The following MATN3 variants were observed in gnomAD, a reference collection of about 807,000 sequenced individuals.
MATN3 encodes matrilin-3.
MATN3 carries 48 observed loss-of-function variants against 45.3 expected under a neutral mutation model. The observed-to-expected ratio is 1.06, with a 90% CI of 0.84 to 1.35. The LOEUF (loss-of-function observed/expected upper bound fraction) is 1.35, where lower values mean the gene tolerates loss of function less well. MATN3 is among the 40% of genes most tolerant of loss of function. The pLI is 0.00. For missense variants in MATN3, 599 were observed against 628.0 expected (o/e 0.95, Z 0.49); for synonymous variants, 217 against 245.9 (o/e 0.88, Z 1.10).
At chr2:20,007,131 C>A (rs1162409860) in intron 1 of MATN3, among the ~76,000 whole-genome samples, 1 of 151,938 alleles carries the variant, frequency 6.6e-6, no homozygotes, top group Non-Finnish European at 1.5e-5. Flanking sequence ...TGGCGTGAAC[C>A]TGGGAGACAG....
rs1023892981 is a variant in MATN3 at position 19,999,605 on chromosome 2, AT to A, written c.1168+835del. 3.4e-5 allele frequency among the ~76,000 whole-genome samples: 4 copies of A among 116,462 alleles called. No homozygotes were observed. The East Asian group carries it at 1.1e-3, about 31-fold the overall frequency. 76.4% of individuals were successfully genotyped at this position (116,462 alleles called of 152,430 possible). A position where few individuals can be genotyped will look rare whatever the true frequency, so the allele number is the denominator to read the frequency against. On this transcript the variant is annotated intron_variant, in intron 5 of 7. Coordinates refer to ENST00000407540, the MANE Select transcript of MATN3 (RefSeq NM_002381.5). Reference sequence around the variant, plus strand: ...ACTGGGAACAAAGTAGGTGTCCGGTATTTTTTTACTGGTTTCCCTTTAAAAA... The same window carrying A: ...ACTGGGAACAAAGTAGGTGTCCGGTATTTTTTACTGGTTTCCCTTTAAAAA...
At chr2:20,008,302 C>T (rs144626226) in intron 1 of MATN3, among the ~76,000 whole-genome samples, 70 of 152,230 alleles carry the variant, frequency 4.6e-4, no homozygotes, top group Middle Eastern at 3.4e-3. Context: ...TCTCACCCAA[C>T]ACACGCATGC....
rs1371914189 is a variant in MATN3 at position 20,006,222 on chromosome 2, A to G, written c.312T>C (p.Thr104=). 1 of 1,613,194 alleles carries G rather than the reference A, an allele frequency of 6.2e-7. No homozygotes were observed. Among genetic ancestry groups the G allele is most frequent in the African/African-American group, 1.3e-5 (1 of 75,048 alleles). Residue 104 remains threonine, a synonymous_variant, in exon 2 of 8, where the codon ACT becomes ACC. Transcript: ENST00000407540. Reference sequence around the variant, plus strand: ...GAGTGTCGATTATCCGGGAGACAAAAGTTTTCACTTTGGTGAATTCCAGGG... The same window carrying G: ...GAGTGTCGATTATCCGGGAGACAAAGGTTTTCACTTTGGTGAATTCCAGGG... The part of the protein sequence containing the change: ...VRPLEFTKVK[T]FVSRIIDTLD...
chr2:20,003,402 A>G, intron 2 of MATN3, 116 bp from the exon 3 acceptor site: 1 of 979,830 alleles, frequency 1.0e-6, no homozygotes, highest in East Asian at 2.8e-5. Flanking sequence ...TCTTTACTTC[A>G]CTATAAAAAA....
chr2:20,006,793 C>T (rs558910411), intron 1 of MATN3, among the ~76,000 whole-genome samples: 34 of 152,362 alleles, frequency 2.2e-4, no homozygotes, highest in African/African-American at 7.5e-4. Flanking sequence ...CTCAGGGGCT[C>T]TTCTGGTGGC....
In MATN3 at chr2:20,006,448, A is replaced by G. The variant is rs1572386141; in HGVS notation, c.224-138T>C. 6.3e-6 allele frequency: 4 copies of G among 636,444 alleles called. No individual in the cohort carries two copies. The East Asian group carries it at 1.1e-4, about 17-fold the overall frequency. 39.4% of individuals were successfully genotyped at this position (636,444 alleles called of 1,614,324 possible). On this transcript the variant is annotated intron_variant, in intron 1 of 7. Coordinates refer to ENST00000407540, the MANE Select transcript of MATN3 (RefSeq NM_002381.5). ...ATCACCACTGCCTGCGACCTTCCCCAAGACCATCGGGGTGTTGAAAGCACC... is the reference window on the plus strand; with the variant it reads ...ATCACCACTGCCTGCGACCTTCCCCGAGACCATCGGGGTGTTGAAAGCACC...
chr2:19,998,676 G>C (rs1672925435), intron 5 of MATN3, among the ~76,000 whole-genome samples: 1 of 152,012 alleles, frequency 6.6e-6, no homozygotes, highest in South Asian at 2.1e-4. Flanking sequence ...AGAATCACTT[G>C]AGCCCGGGAG....
chr2:20,003,350 C>T lies in MATN3; in HGVS notation c.791-64G>A, dbSNP rs978176264. On this transcript the variant is annotated intron_variant, in intron 2 of 7. Coordinates refer to ENST00000407540, the MANE Select transcript of MATN3 (RefSeq NM_002381.5). The stretch of plus-strand genomic sequence containing the variant: ...AGGAAACATCTCAGATACCGTCTCC[C>T]ATGTCAATAGACATTGCTCTCTGGG... The T allele has an allele frequency of 1.8e-5, 26 of 1,484,412 alleles. No individual in the cohort carries two copies. In the African/African-American group the frequency reaches 3.5e-4, roughly 20 times the overall value. 92.0% of individuals were successfully genotyped at this position (1,484,412 alleles called of 1,614,324 possible).
intron 5 of MATN3, among the ~76,000 whole-genome samples, chr2:19,999,007 T>C (rs1672932841): frequency 6.6e-6 from 1 of 152,134 alleles, no homozygotes; most frequent in South Asian, 2.1e-4. Flanking sequence ...TAAGGTACAT[T>C]ACTGTATCTA....
chr2:19,994,260 G>T, intron 7 of MATN3, 39 bp downstream of exon 7: 1 of 1,350,142 alleles, frequency 7.4e-7, no homozygotes, highest in Non-Finnish European at 1.1e-6. Flanking sequence ...TACCTTGGTT[G>T]GCTCCAGGCA....
chr2:19,992,109 A>C lies in MATN3; in HGVS notation c.*1002T>G, dbSNP rs551158753. On this transcript the variant is annotated 3_prime_UTR_variant, in exon 8 of 8. Transcript: ENST00000407540. Reference sequence around the variant, plus strand: ...TGATGAGTCATCAAAAATAGACATGATAATATGTAAAGGTAATAACTTTTA... The same window carrying C: ...TGATGAGTCATCAAAAATAGACATGCTAATATGTAAAGGTAATAACTTTTA... The C allele has an allele frequency of 6.6e-6, 1 of 152,296 alleles. No individual in the cohort carries two copies. The highest frequency in any genetic ancestry group is 2.4e-5 in the African/African-American group (1 of 41,574). The allele number at this position is 152,296 out of a possible 1,614,324, so 9.4% of individuals were successfully genotyped here. A position where few individuals can be genotyped will look rare whatever the true frequency, so the allele number is the denominator to read the frequency against.
intron 5 of MATN3, among the ~76,000 whole-genome samples, chr2:19,999,925 C>T (rs1437391574): frequency 6.6e-6 from 1 of 152,166 alleles, no homozygotes; most frequent in Non-Finnish European, 1.5e-5. Flanking sequence ...AATGATTGAT[C>T]GTCTAGAAAC....
intron 5 of MATN3, among the ~76,000 whole-genome samples, chr2:19,998,566 G>A (rs2103480376): frequency 6.6e-6 from 1 of 152,178 alleles, no homozygotes; most frequent in African/African-American, 2.4e-5. Flanking sequence ...GACAAGCTTG[G>A]ACAAAATGTC....
intron 3 of MATN3, 108 bp downstream of exon 3, chr2:20,003,053 C>T (rs754017486): frequency 4.5e-5 from 59 of 1,321,116 alleles, no homozygotes; most frequent in Non-Finnish European, 5.9e-5. Context: ...AGCCAAAAGG[C>T]AGTTAGGTAA....
intron 2 of MATN3, among the ~76,000 whole-genome samples, chr2:20,005,274 T>C (rs1444842826): frequency 2.0e-5 from 3 of 152,054 alleles, no homozygotes; most frequent in Non-Finnish European, 2.9e-5. Context: ...GCCTGCTGAC[T>C]CTCCCAAGGA....
At chr2:20,007,770 C>T (rs1269253297) in intron 1 of MATN3, among the ~76,000 whole-genome samples, 2 of 152,160 alleles carry the variant, frequency 1.3e-5, no homozygotes, top group Admixed American at 6.5e-5. Context: ...CCAGATTTCC[C>T]ACCTTCAAAG....
chr2:19,998,862 T>A (rs1183821645), intron 5 of MATN3, among the ~76,000 whole-genome samples: 1 of 152,188 alleles, frequency 6.6e-6, no homozygotes, highest in African/African-American at 2.4e-5. Context: ...ATTAAGACAG[T>A]AAGGCTTAGT....
chr2:20,006,846 A>G (rs563760331), intron 1 of MATN3, among the ~76,000 whole-genome samples: 1 of 152,290 alleles, frequency 6.6e-6, no homozygotes, highest in East Asian at 1.9e-4. Context: ...AAACTGCTCC[A>G]GAGTATCCCT....
Position 20,012,376 on chromosome 2 carries a change from T to G in MATN3, c.223+33A>C. ...ATGCCCTGGGCTTCTCCTCGTTCGA[T>G]GCTCACGCGTCCCTCCCGCCGCCCG... On this transcript the variant is annotated intron_variant, in intron 1 of 7. Transcript: ENST00000407540. The surrounding 1 kb of genome is among the most constrained non-coding windows in gnomAD (Gnocchi z 4.3). The G allele has an allele frequency of 8.2e-7, 1 of 1,222,030 alleles. No homozygotes were observed. The allele number at this position is 1,222,030 out of a possible 1,614,324, so 75.7% of individuals were successfully genotyped here.
Sources: gnomAD v4.1 joint callset for allele counts (sites outside exome capture counted in the v4.1 genomes callset) on GRCh38, gnomAD v4.1.1 for gene constraint, Gnocchi (gnomAD v3.1) non-coding constraint, MANE v1.5 for transcripts, NCBI Gene and HGNC (gene_info 2026-07-23, HGNC 2026-07-21) for gene names.